The following ASCC3 variants were observed in gnomAD, a reference collection of about 807,000 sequenced individuals.
ASCC3 encodes the protein ASC-1 complex subunit P200.
A neutral mutation model predicts 256.3 loss-of-function variants in ASCC3; 158 were observed. That is an observed-to-expected ratio of 0.62 (90% CI 0.54 to 0.70). The LOEUF (loss-of-function observed/expected upper bound fraction) is 0.70, where lower values mean the gene tolerates loss of function less well. Among genes scored for constraint, ASCC3 ranks in the 30% least tolerant of loss-of-function variants. The pLI, the probability that ASCC3 is intolerant of heterozygous loss-of-function variation, is 0.00. For synonymous variants in ASCC3, 948 were observed against 883.4 expected (o/e 1.07, Z -1.30); for missense variants, 2,259 against 2,626.0 (o/e 0.86, Z 3.05).
chr6:100,678,751 T>C (rs1777148484), intron 14 of ASCC3, among the ~76,000 whole-genome samples: 1 of 152,152 alleles, frequency 6.6e-6, no homozygotes. Flanking sequence ...ATACTTTTTC[T>C]GCAAAGAAAC....
chr6:100,509,685 G>T, intron 41 of ASCC3, 152 bp from the exon 42 acceptor site: 1 of 856,618 alleles, frequency 1.2e-6, no homozygotes. Context: ...CGGATCACGA[G>T]GTCAGGAGAT....
Position 100,725,706 on chromosome 6 carries a change from A to G in ASCC3, c.1738-3T>C, listed in dbSNP as rs754147502. 3 of 1,612,106 alleles carry G rather than the reference A, an allele frequency of 1.9e-6. No individual in the cohort carries two copies. Among genetic ancestry groups the G allele is most frequent in the South Asian group, 1.1e-5 (1 of 91,052 alleles). ...TTTTCTGGTGTGGTCACAAGCATCTATAAGAGAAGACACATTTTAAAAGGG... is the reference window on the plus strand; with the variant it reads ...TTTTCTGGTGTGGTCACAAGCATCTGTAAGAGAAGACACATTTTAAAAGGG... On this transcript the variant is annotated splice_polypyrimidine_tract_variant and splice_region_variant and intron_variant, in intron 10 of 41. Coordinates refer to ENST00000369162, the MANE Select transcript of ASCC3 (RefSeq NM_006828.4).
At chr6:100,790,729 T>C (rs2114301406) in intron 8 of ASCC3, among the ~76,000 whole-genome samples, 1 of 152,118 alleles carries the variant, frequency 6.6e-6, no homozygotes. Flanking sequence ...CATTCTAATT[T>C]CCTGCTATAA....
At chr6:100,867,557 T>C (rs1373774337) in intron 2 of ASCC3, among the ~76,000 whole-genome samples, 1 of 152,080 alleles carries the variant, frequency 6.6e-6, no homozygotes, top group African/African-American at 2.4e-5. Flanking sequence ...AGAGACCTAC[T>C]GGTAAATTTT....
At position 100,848,488 on chromosome 6, in the gene ASCC3, T is replaced by A. The variant is rs1218458909; in HGVS notation, c.461A>T (p.Glu154Val). 4 of 1,613,278 alleles carry A rather than the reference T, an allele frequency of 2.5e-6. No individual in the cohort carries two copies. The highest frequency in any genetic ancestry group is 3.4e-6 in the Non-Finnish European group (4 of 1,179,568). The part of the protein sequence containing the change: ...DDLTALVQMT[E>V]KEHGDRVFFG... ...AAAAACCCTATCGCCATGTTCTTTT[T>A]CTGTCATCTGCACAAGAGCAGTAAG... The change falls in exon 4 of 42, where the codon GAA (glutamate) becomes GTA (valine). Residue 154 changes from glutamate (E) to valine (V), a missense_variant. Coordinates refer to ENST00000369162, the MANE Select transcript of ASCC3 (RefSeq NM_006828.4).
intron 33 of ASCC3, 90 bp from the exon 34 acceptor site, chr6:100,602,025 T>C (rs1582535495): frequency 4.2e-6 from 6 of 1,441,386 alleles, no homozygotes; most frequent in Non-Finnish European, 5.7e-6. Context: ...TCAGATTTTA[T>C]GTTCTAAGAT....
chr6:100,735,469 T>G (rs1780107467), intron 10 of ASCC3, among the ~76,000 whole-genome samples: 1 of 126,060 alleles, frequency 7.9e-6, no homozygotes, highest in Non-Finnish European at 1.7e-5. Flanking sequence ...TTTTTTTTTT[T>G]GAAACTTTGC....
chr6:100,816,268 G>C (rs1375297817), intron 4 of ASCC3, among the ~76,000 whole-genome samples: 1 of 152,112 alleles, frequency 6.6e-6, no homozygotes, highest in African/African-American at 2.4e-5. Flanking sequence ...ACAGATGCTA[G>C]TGAGGTTACG....
At chr6:100,804,561 A>C (rs1770074260) in intron 5 of ASCC3, among the ~76,000 whole-genome samples, 1 of 152,062 alleles carries the variant, frequency 6.6e-6, no homozygotes, top group African/African-American at 2.4e-5. Flanking sequence ...AACCTAAATC[A>C]ACAAGCAAAA....
At chr6:100,532,378 GTA>G (rs1219461410) in intron 37 of ASCC3, among the ~76,000 whole-genome samples, 982 of 69,018 alleles carry the variant, frequency 0.014, 15 homozygotes, top group Non-Finnish European at 0.021. Context: ...GTGTATGTGT[GTA>G]TATATATATA....
rs368606483 is a variant in ASCC3 at position 100,836,494 on chromosome 6, A to G, written c.801+11654T>C. Among the ~76,000 whole-genome samples the G allele has an allele frequency of 3.9e-5, 6 of 152,122 alleles. No individual in the cohort carries two copies. In the East Asian group the frequency reaches 7.7e-4, roughly 20 times the overall value. ...AAGTGATTTTTCTGCATCTACTGAAATGATCAGGAAGTTTTTGTCCTTCAT... is the reference window on the plus strand; with the variant it reads ...AAGTGATTTTTCTGCATCTACTGAAGTGATCAGGAAGTTTTTGTCCTTCAT... On this transcript the variant is annotated intron_variant, in intron 4 of 41. Coordinates refer to ENST00000369162, the MANE Select transcript of ASCC3 (RefSeq NM_006828.4).
At chr6:100,784,290 T>G (rs1782589642) in intron 8 of ASCC3, among the ~76,000 whole-genome samples, 1 of 152,052 alleles carries the variant, frequency 6.6e-6, no homozygotes, top group Non-Finnish European at 1.5e-5. Flanking sequence ...TATTAAAAAT[T>G]TATTGCTCTT....
chr6:100,857,558 T>G (rs1284095761), intron 3 of ASCC3: 2 of 151,804 alleles, frequency 1.3e-5, no homozygotes, highest in Admixed American at 6.6e-5. Flanking sequence ...AAATAGGTAC[T>G]TTTTTTCATC....
At chr6:100,601,749 C>T in intron 34 of ASCC3, 61 bp downstream of exon 34, 1 of 1,587,420 alleles carries the variant, frequency 6.3e-7, no homozygotes, top group Non-Finnish European at 8.6e-7. Flanking sequence ...GAGTTTATTA[C>T]TTTCAAATAT....
intron 13 of ASCC3, among the ~76,000 whole-genome samples, chr6:100,698,617 T>C (rs1346629612): frequency 6.6e-6 from 1 of 152,166 alleles, no homozygotes; most frequent in Non-Finnish European, 1.5e-5. Flanking sequence ...TTAGATAATT[T>C]AATACTTCTA....
chr6:100,549,438 C>T (rs1769180441), intron 36 of ASCC3, among the ~76,000 whole-genome samples: 1 of 151,920 alleles, frequency 6.6e-6, no homozygotes, highest in Non-Finnish European at 1.5e-5. Flanking sequence ...GTTTATTTAA[C>T]CCTGTGTGTC....
chr6:100,727,685 A>ACAACAAC, intron 10 of ASCC3, among the ~76,000 whole-genome samples: 1 of 122,072 alleles, frequency 8.2e-6, no homozygotes, highest in African/African-American at 2.8e-5. Context: ...ACAACAAAAA[A>ACAACAAC]GGGTCTAAAT....
In ASCC3 at chr6:100,652,752, A is replaced by G; in HGVS notation, c.2961T>C (p.His987=). 5 of 1,613,860 alleles carry G rather than the reference A, an allele frequency of 3.1e-6. No individual in the cohort carries two copies. Among genetic ancestry groups the G allele is most frequent in the Non-Finnish European group, 3.4e-6 (4 of 1,179,910 alleles). ...SSTDLGRTAS[H]YYIKYNTIET... is the part of the protein sequence containing the mutation. ...CAATGGTGTTGTATTTAATATAGTA[A>G]TGGCTGGCAGTTCTACCCAAATCAG... The change falls in exon 18 of 42, where the codon CAT becomes CAC. Residue 987 remains histidine (H), a synonymous_variant. Transcript: ENST00000369162.
intron 13 of ASCC3, among the ~76,000 whole-genome samples, chr6:100,709,437 G>C (rs566087838): frequency 6.6e-6 from 1 of 152,266 alleles, no homozygotes; most frequent in East Asian, 1.9e-4. Context: ...CTGCATTTAA[G>C]TACTGGTGCC....
Sources: gnomAD v4.1 joint callset for allele counts (sites outside exome capture counted in the v4.1 genomes callset) on GRCh38, gnomAD v4.1.1 for gene constraint, MANE v1.5 for transcripts, NCBI Gene and HGNC (gene_info 2026-07-23, HGNC 2026-07-21) for gene names.